CATSPERB: variants seen among roughly 807,000 people sequenced by gnomAD.
CATSPERB encodes the protein catsper channel auxiliary subunit beta.
In CATSPERB, 93 loss-of-function variants were observed where a neutral mutation model predicts 128.3. The observed-to-expected ratio is 0.72, with a 90% CI of 0.61 to 0.86. The LOEUF is 0.86. Ranked by LOEUF, CATSPERB falls within the 40% of genes least tolerant of loss-of-function variation. CATSPERB has a pLI of 0.00. For missense variants in CATSPERB, 1,153 were observed against 1,329.5 expected (o/e 0.87, Z 2.06); for synonymous variants, 381 against 448.8 (o/e 0.85, Z 1.91).
intron 13 of CATSPERB, among the ~76,000 whole-genome samples, chr14:91,672,652 C>T (rs1895118796): frequency 6.6e-6 from 1 of 152,116 alleles, no homozygotes; most frequent in Non-Finnish European, 1.5e-5. Context: ...ACTATGCATA[C>T]AGCATCACGT....
chr14:91,581,074 C>T lies in CATSPERB; in HGVS notation c.3166G>A (p.Gly1056Arg). The T allele has an allele frequency of 6.2e-7, 1 of 1,614,124 alleles. No individual in the cohort carries two copies. The highest frequency in any genetic ancestry group is 8.5e-7 in the Non-Finnish European group (1 of 1,179,988). The change falls in exon 27 of 27, where the codon GGA becomes AGA. Residue 1056 changes from glycine to arginine, a missense_variant. Gly to Arg is a moderately radical substitution (Grantham distance 125). Coordinates refer to ENST00000256343, the MANE Select transcript of CATSPERB (RefSeq NM_024764.4). ...GTTGCCACGGCAATAAGCGTGTGTC[C>T]TGGGAATGGCAATGGTGCCTCATCA... ...YVDEAPLPFP[G>R]HTLIAVATAV...
chr14:91,598,585 G>A (rs1005638600), intron 22 of CATSPERB, among the ~76,000 whole-genome samples: 9 of 152,198 alleles, frequency 5.9e-5, no homozygotes, highest in East Asian at 5.8e-4. Flanking sequence ...CTGGCCGGGC[G>A]TGGTGGCTCA....
intron 22 of CATSPERB, chr14:91,605,045 G>A: frequency 8.4e-7 from 1 of 1,192,200 alleles, no homozygotes; most frequent in South Asian, 1.2e-5. Context: ...TTTCTTGAAT[G>A]GGACCTTGTC....
intron 22 of CATSPERB, 113 bp downstream of exon 22, chr14:91,608,181 C>T (rs943130752): frequency 9.2e-5 from 60 of 655,364 alleles, no homozygotes; most frequent in African/African-American, 5.0e-4. Context: ...GTAGCAATCA[C>T]GATAATAACA....
intron 18 of CATSPERB, among the ~76,000 whole-genome samples, chr14:91,624,376 C>T (rs892336057): frequency 1.3e-5 from 2 of 152,208 alleles, no homozygotes; most frequent in South Asian, 2.1e-4. Context: ...CCCAGCTACT[C>T]GGGAGGCTGA....
chr14:91,696,075 G>GT (rs1280525450), intron 7 of CATSPERB, among the ~76,000 whole-genome samples: 1 of 152,190 alleles, frequency 6.6e-6, no homozygotes, highest in East Asian at 1.9e-4. Context: ...GAAGAAATGC[G>GT]TAATAGACAA....
At chr14:91,725,192 T>C (rs771977594) in intron 2 of CATSPERB, 24 bp from the exon 3 acceptor site, 2 of 1,163,388 alleles carry the variant, frequency 1.7e-6, no homozygotes, top group East Asian at 2.7e-5. Context: ...AAAATACATA[T>C]ATTAGATCAC....
intron 13 of CATSPERB, among the ~76,000 whole-genome samples, chr14:91,671,613 C>G (rs1042469886): frequency 3.2e-5 from 4 of 124,420 alleles, no homozygotes; most frequent in Admixed American, 1.5e-4. Context: ...AAAAACCAAC[C>G]AACAAAAAAA....
At chr14:91,701,933 G>T (rs1895658890) in intron 7 of CATSPERB, among the ~76,000 whole-genome samples, 1 of 150,836 alleles carries the variant, frequency 6.6e-6, no homozygotes, top group Non-Finnish European at 1.5e-5. Flanking sequence ...AAAAATTGCT[G>T]ATTTAGGCAG....
intron 9 of CATSPERB, 37 bp from the exon 10 acceptor site, chr14:91,691,592 T>C (rs1178780130): frequency 6.5e-7 from 1 of 1,530,900 alleles, no homozygotes. Flanking sequence ...TTTGCTTGCA[T>C]ATCAGAAGGC....
At chr14:91,660,085 A>C (rs1448339312) in intron 14 of CATSPERB, 104 bp from the exon 15 acceptor site, 3 of 847,006 alleles carry the variant, frequency 3.5e-6, no homozygotes, top group Non-Finnish European at 5.4e-6. Flanking sequence ...GATCTTTTCC[A>C]TATGCCTACA....
At chr14:91,630,525 G>A (rs1009805609) in intron 17 of CATSPERB, among the ~76,000 whole-genome samples, 26 of 152,148 alleles carry the variant, frequency 1.7e-4, no homozygotes, top group Middle Eastern at 3.4e-3. Context: ...TGCACTTTTC[G>A]TCTCGGAAAA....
chr14:91,617,342 A>G (rs185549672), intron 20 of CATSPERB, among the ~76,000 whole-genome samples: 228 of 152,304 alleles, frequency 1.5e-3, no homozygotes, highest in Non-Finnish European at 2.8e-3. Context: ...AGTTACCTTT[A>G]GTTGCATCTC....
Position 91,621,924 on chromosome 14 carries a change from C to A in CATSPERB, c.1944G>T (p.Leu648Phe), listed in dbSNP as rs748187952. The change falls in exon 19 of 27, where the codon TTG (leucine) becomes TTT (phenylalanine). Residue 648 changes from leucine (L) to phenylalanine (F), a missense_variant. Transcript: ENST00000256343. ...TCTTCTCTATATCTGTATCTTCAAA[C>A]AAGGCCTGAACAACTGGAGATTAAA... ...LTLDSQVVQALFEDTDIEKTV... is the reference protein window; with the variant it reads ...LTLDSQVVQAFFEDTDIEKTV... 6.3e-7 allele frequency: 1 copy of A among 1,596,580 alleles called. No homozygotes were observed. The highest frequency in any genetic ancestry group is 1.1e-5 in the South Asian group (1 of 88,748).
chr14:91,583,163 A>G (rs1418179169), intron 26 of CATSPERB, among the ~76,000 whole-genome samples: 3 of 152,238 alleles, frequency 2.0e-5, no homozygotes, highest in Non-Finnish European at 2.9e-5. Context: ...TCATGCCTGT[A>G]ATCCCAGCAC....
At chr14:91,702,086 C>T (rs779841562) in intron 7 of CATSPERB, among the ~76,000 whole-genome samples, 1 of 151,798 alleles carries the variant, frequency 6.6e-6, no homozygotes, top group Non-Finnish European at 1.5e-5. Context: ...GAGTGTGATC[C>T]CAAGGAATTA....
At chr14:91,602,250 T>G (rs1378816560) in intron 22 of CATSPERB, among the ~76,000 whole-genome samples, 4 of 152,212 alleles carry the variant, frequency 2.6e-5, no homozygotes, top group Non-Finnish European at 5.9e-5. Context: ...CTCACAATTC[T>G]GTACTTGTAA....
At position 91,626,938 on chromosome 14, in the gene CATSPERB, T is replaced by C. The variant is rs576520146; in HGVS notation, c.1743-1931A>G. Among the ~76,000 whole-genome samples, 4 of 152,278 alleles carry C rather than the reference T, an allele frequency of 2.6e-5. No homozygotes were observed. In the South Asian group the frequency reaches 8.3e-4, roughly 32 times the overall value. Reference sequence around the variant, plus strand: ...GTTTTCCTAAACACAAGTAAAACCATTAAGTAATTTGGATAAAACAGTGGA... The same window carrying C: ...GTTTTCCTAAACACAAGTAAAACCACTAAGTAATTTGGATAAAACAGTGGA... On this transcript the variant is annotated intron_variant, in intron 17 of 26. Coordinates refer to ENST00000256343, the MANE Select transcript of CATSPERB (RefSeq NM_024764.4).
chr14:91,596,553 T>C (rs1350679990), intron 22 of CATSPERB, among the ~76,000 whole-genome samples: 1 of 152,080 alleles, frequency 6.6e-6, no homozygotes. Flanking sequence ...ACAAGACAAT[T>C]GTCTGTGGAT....
Sources: gnomAD v4.1 joint callset for allele counts (sites outside exome capture counted in the v4.1 genomes callset) on GRCh38, gnomAD v4.1.1 for gene constraint, MANE v1.5 for transcripts, NCBI Gene and HGNC (gene_info 2026-07-23, HGNC 2026-07-21) for gene names.